The following STX12 variants were observed in gnomAD, a reference collection of about 807,000 sequenced individuals.
STX12 encodes the protein syntaxin-12.
A neutral mutation model predicts 42.2 loss-of-function variants in STX12; 17 were observed. That is an observed-to-expected ratio of 0.40 (90% CI 0.28 to 0.60). The LOEUF (loss-of-function observed/expected upper bound fraction) is 0.60. Among genes scored for constraint, STX12 ranks in the 20% least tolerant of loss-of-function variants. The probability of loss-of-function intolerance (pLI) is 0.39; values close to 1 mark genes in which losing one functional copy is unlikely to be tolerated. For synonymous variants in STX12, 108 were observed against 116.7 expected (o/e 0.93, Z 0.48); for missense variants, 297 against 330.9 (o/e 0.90, Z 0.79).
intron 3 of STX12, among the ~76,000 whole-genome samples, chr1:27,795,786 C>T (rs575320766): frequency 2.0e-5 from 3 of 152,260 alleles, no homozygotes; most frequent in South Asian, 2.1e-4. Flanking sequence ...TGTCTATATA[C>T]GGGCTGTTTA....
chr1:27,812,192 A>G lies in STX12; in HGVS notation c.500A>G (p.Gln167Arg). The G allele has an allele frequency of 6.4e-7, 1 of 1,559,490 alleles. No individual in the cohort carries two copies. ...GAGGAGTGGAACCAGATGCAGAGCC[A>G]GGAGGATGAGGTGGCCATCACTGAG... ...SHEEWNQMQSQEDEVAITEQD... is the reference protein window; with the variant it reads ...SHEEWNQMQSREDEVAITEQD... Residue 167 changes from glutamine (Q) to arginine (R), a missense_variant, in exon 6 of 9, where the codon CAG (glutamine) becomes CGG (arginine). Physicochemically the swap from Gln to Arg is conservative, Grantham distance 43 (BLOSUM62 1). Coordinates refer to ENST00000373943, the MANE Select transcript of STX12 (RefSeq NM_177424.3).
chr1:27,795,318 T>C (rs996271052), intron 3 of STX12, among the ~76,000 whole-genome samples: 1 of 151,724 alleles, frequency 6.6e-6, no homozygotes, highest in Non-Finnish European at 1.5e-5. Flanking sequence ...TTTTTTTTTT[T>C]AATTTGAGAC....
At chr1:27,797,728 G>T (rs2088796599) in intron 3 of STX12, among the ~76,000 whole-genome samples, 2 of 151,844 alleles carry the variant, frequency 1.3e-5, no homozygotes, top group South Asian at 4.1e-4. Flanking sequence ...TATAAAACTT[G>T]TCTTATACTG....
Position 27,805,097 on chromosome 1 carries a change from G to T in STX12, c.426+3282G>T, listed in dbSNP as rs1462242895. ...AGGGGAAAACTGTCCCCATGCTTCA[G>T]TTTTGTCCATCTGGTCTCGCCCTTG... is the stretch of plus-strand genomic sequence containing the variant. On this transcript the variant is annotated intron_variant, in intron 4 of 8. Transcript: ENST00000373943. 2.0e-5 allele frequency among the ~76,000 whole-genome samples: 3 copies of T among 152,096 alleles called. No individual in the cohort carries two copies. The East Asian group carries it at 5.8e-4, about 29-fold the overall frequency.
intron 6 of STX12, among the ~76,000 whole-genome samples, chr1:27,815,720 C>G (rs2088936846): frequency 6.6e-6 from 1 of 152,182 alleles, no homozygotes; most frequent in Non-Finnish European, 1.5e-5. Context: ...ATAGTAGACT[C>G]TTAGCAAGTG....
rs41305767 is a variant in STX12 at position 27,823,413 on chromosome 1, A to T, written c.*1084A>T. ...TAACCTAATTTATAAACAAGAGATT[A>T]ATATCTCCATGCATAGTTTTAGACA... is the stretch of plus-strand genomic sequence containing the variant. On this transcript the variant is annotated 3_prime_UTR_variant, in exon 9 of 9. Coordinates refer to ENST00000373943, the MANE Select transcript of STX12 (RefSeq NM_177424.3). 7,737 of 152,750 alleles carry T rather than the reference A, an allele frequency of 0.051. 409 individuals are homozygous for T. Among genetic ancestry groups the T allele is most frequent in the East Asian group, 0.25 (1,280 of 5,182 alleles). 9.5% of individuals were successfully genotyped at this position (152,750 alleles called of 1,614,324 possible). A position where few individuals can be genotyped will look rare whatever the true frequency, so the allele number is the denominator to read the frequency against.
chr1:27,802,127 T>G (rs940858636), intron 4 of STX12: 2 of 174,358 alleles, frequency 1.1e-5, no homozygotes, highest in African/African-American at 4.8e-5. Flanking sequence ...ACAGGCTAGT[T>G]TATTTGGACT....
At chr1:27,793,122 G>C (rs2088760244) in intron 2 of STX12, among the ~76,000 whole-genome samples, 1 of 152,232 alleles carries the variant, frequency 6.6e-6, no homozygotes, top group South Asian at 2.1e-4. Flanking sequence ...TCATCTAACT[G>C]TCTGTGCCTA....
chr1:27,816,833 T>C (rs1211459982), intron 6 of STX12, among the ~76,000 whole-genome samples: 1 of 151,664 alleles, frequency 6.6e-6, no homozygotes, highest in Non-Finnish European at 1.5e-5. Flanking sequence ...GGTGAATTGC[T>C]TGAATCCGGG....
intron 4 of STX12, among the ~76,000 whole-genome samples, chr1:27,809,708 T>C (rs1438732615): frequency 1.3e-5 from 2 of 152,150 alleles, no homozygotes. Flanking sequence ...TCTGCCCACC[T>C]CAGCCTCCCA....
At position 27,792,772 on chromosome 1, in the gene STX12, T is replaced by C. The variant is rs1045498391; in HGVS notation, c.189-761T>C. On this transcript the variant is annotated intron_variant, in intron 2 of 8. Transcript: ENST00000373943. ...CTAACATTCAGATCATAGCATGTGG[T>C]TTCACTGTCGTCTCAGAAAGCCTTT... 3.3e-5 allele frequency among the ~76,000 whole-genome samples: 5 copies of C among 152,304 alleles called. No homozygotes were observed. The East Asian group carries it at 9.6e-4, about 29-fold the overall frequency.
In STX12 at chr1:27,799,477, G is replaced by GTTTTTTTTTT. The variant is rs200472226; in HGVS notation, c.289-2199_289-2190dup. Reference sequence around the variant, plus strand: ...GGTTGAACCCCAAACTCATTAGCTTGTTTTTTTTTTTGTTTTTTTTTTTGA... The same window carrying GTTTTTTTTTT: ...GGTTGAACCCCAAACTCATTAGCTTGTTTTTTTTTTTTTTTTTTTTTGTTTTTTTTTTTGA... On this transcript the variant is annotated intron_variant, in intron 3 of 8. Transcript: ENST00000373943. Among the ~76,000 whole-genome samples the GTTTTTTTTTT allele has an allele frequency of 7.3e-3, 957 of 130,566 alleles. 124 individuals carry two copies. The highest frequency in any genetic ancestry group is 0.029 in the African/African-American group (909 of 31,104). 85.7% of individuals were successfully genotyped at this position (130,566 alleles called of 152,430 possible).
chr1:27,790,923 A>G (rs2088736100), intron 2 of STX12, among the ~76,000 whole-genome samples: 1 of 151,960 alleles, frequency 6.6e-6, no homozygotes, highest in South Asian at 2.1e-4. Flanking sequence ...CCTAGGCAAC[A>G]AGAGTGAAAC....
At chr1:27,786,940 G>A (rs1214513107) in intron 1 of STX12, among the ~76,000 whole-genome samples, 1 of 152,146 alleles carries the variant, frequency 6.6e-6, no homozygotes, top group Non-Finnish European at 1.5e-5. Context: ...AAGAAAAGTG[G>A]TTGTCACACA....
At chr1:27,811,632 T>C (rs2088904257) in intron 5 of STX12, among the ~76,000 whole-genome samples, 1 of 151,664 alleles carries the variant, frequency 6.6e-6, no homozygotes, top group South Asian at 2.1e-4. Context: ...CCACCGCGCC[T>C]GGCCTGTTAA....
chr1:27,778,076 C>T (rs906523472), intron 1 of STX12, among the ~76,000 whole-genome samples: 1 of 152,140 alleles, frequency 6.6e-6, no homozygotes, highest in African/African-American at 2.4e-5. Flanking sequence ...ATATATTACC[C>T]ACACACCCAT....
At chr1:27,787,139 A>G (rs1181788635) in intron 1 of STX12, among the ~76,000 whole-genome samples, 1 of 152,216 alleles carries the variant, frequency 6.6e-6, no homozygotes. Context: ...TGTTAGGAAA[A>G]TATGGTCTCA....
intron 1 of STX12, among the ~76,000 whole-genome samples, chr1:27,789,100 A>G (rs779010379): frequency 6.6e-6 from 1 of 152,226 alleles, no homozygotes; most frequent in Non-Finnish European, 1.5e-5. Flanking sequence ...AGCTCTTAGT[A>G]TATAGTGCCT....
chr1:27,788,529 A>T (rs971880010), intron 1 of STX12, among the ~76,000 whole-genome samples: 1 of 152,198 alleles, frequency 6.6e-6, no homozygotes, highest in African/African-American at 2.4e-5. Context: ...ATCTAGGAAA[A>T]GGTAGAGAAG....
Sources: gnomAD v4.1 joint callset for allele counts (sites outside exome capture counted in the v4.1 genomes callset) on GRCh38, gnomAD v4.1.1 for gene constraint, MANE v1.5 for transcripts, NCBI Gene and HGNC (gene_info 2026-07-23, HGNC 2026-07-21) for gene names.